Variants in LRRC8E observed in about 807,000 individuals in gnomAD.
LRRC8E encodes the protein leucine rich repeat containing 8 VRAC subunit E.
In LRRC8E, 6 loss-of-function variants were observed where a neutral mutation model predicts 6.1. The ratio of observed to expected loss-of-function variants is 0.98; its 90% CI spans 0.54 to 1.93. LRRC8E has a LOEUF of 1.93. LRRC8E is among the 30% of genes most tolerant of loss of function. LRRC8E has a pLI of 0.01. For missense variants in LRRC8E, 1,028 were observed against 1,031.4 expected (o/e 1.00, Z 0.04); for synonymous variants, 485 against 472.8 (o/e 1.03, Z -0.33).
At chr19:7,890,427 G>GT (rs1176276024) in intron 1 of LRRC8E, among the ~76,000 whole-genome samples, 1 of 152,090 alleles carries the variant, frequency 6.6e-6, no homozygotes, top group Non-Finnish European at 1.5e-5. Context: ...GTCTTGCTCT[G>GT]TTGCCCAGGC....
rs1299241067 is a variant in LRRC8E at position 7,899,878 on chromosome 19, C to T, written c.1356C>T (p.Phe452=). 1 of 1,606,148 alleles carries T rather than the reference C, an allele frequency of 6.2e-7. No individual in the cohort carries two copies. The highest frequency in any genetic ancestry group is 8.5e-7 in the Non-Finnish European group (1 of 1,179,576). The part of the protein sequence containing the change: ...LRLEAICDIT[F]PPGLSQLVHL... ...TGGAGGCCATCTGCGATATCACCTTCCCCCCGGGGCTGTCACAGCTGGTGC... is the reference window on the plus strand; with the variant it reads ...TGGAGGCCATCTGCGATATCACCTTTCCCCCGGGGCTGTCACAGCTGGTGC... Residue 452 remains phenylalanine (F), a synonymous_variant, in exon 3 of 3, where the codon TTC becomes TTT. Coordinates refer to ENST00000306708, the MANE Select transcript of LRRC8E (RefSeq NM_025061.6).
chr19:7,891,531 GTGTGTGTGTGTGTGTT>G (rs952034637), intron 1 of LRRC8E, among the ~76,000 whole-genome samples: 263 of 128,888 alleles, frequency 2.0e-3, no homozygotes, highest in Middle Eastern at 7.5e-3. Flanking sequence ...TCGGGTGTGT[GTGTGTGTGTGTGTGTT>G]TGTGTGTGTG....
chr19:7,899,051 C>A lies in LRRC8E; in HGVS notation c.529C>A (p.Pro177Thr), dbSNP rs1311246907. Residue 177 changes from proline to threonine, a missense_variant, in exon 3 of 3, where the codon CCA becomes ACA. Transcript: ENST00000306708. ...GGTCTCCGGGGAGAACCAGAAGGGC[C>A]CAGCAGCCACCGAACGGGCTGCGGC... ...SEVSGENQKG[P>T]AATERAAATI... 3 of 1,613,076 alleles carry A rather than the reference C, an allele frequency of 1.9e-6. No homozygotes were observed. The highest frequency in any genetic ancestry group is 2.5e-6 in the Non-Finnish European group (3 of 1,179,662).
chr19:7,896,146 G>A (rs1453112098), intron 2 of LRRC8E, among the ~76,000 whole-genome samples: 1 of 151,974 alleles, frequency 6.6e-6, no homozygotes, highest in East Asian at 1.9e-4. Context: ...CACCATGTTA[G>A]CCAGGCTGGT....
Position 7,899,032 on chromosome 19 carries a change from C to G in LRRC8E, c.510C>G (p.Ser170=). Residue 170 remains serine (S), a synonymous_variant, in exon 3 of 3, where the codon TCC becomes TCG. Coordinates refer to ENST00000306708, the MANE Select transcript of LRRC8E (RefSeq NM_025061.6). ...PWTTRALSEV[S]GENQKGPAAT... ...CCACCAGGGCCCTATCCGAGGTCTC[C>G]GGGGAGAACCAGAAGGGCCCAGCAG... 1 of 1,613,706 alleles carries G rather than the reference C, an allele frequency of 6.2e-7. No individual in the cohort carries two copies. The highest frequency in any genetic ancestry group is 8.5e-7 in the Non-Finnish European group (1 of 1,179,964).
intron 1 of LRRC8E, among the ~76,000 whole-genome samples, chr19:7,891,547 T>TGTGTGTTTGTG (rs1568262044): frequency 1.1e-5 from 1 of 91,586 alleles, no homozygotes; most frequent in Admixed American, 9.5e-5. Context: ...GTGTGTGTGT[T>TGTGTGTTTGTG]TGTGTGTGTG....
chr19:7,888,857 G>A (rs2145090105), intron 1 of LRRC8E, among the ~76,000 whole-genome samples: 1 of 152,312 alleles, frequency 6.6e-6, no homozygotes, highest in African/African-American at 2.4e-5. Flanking sequence ...ACAGGCTGAA[G>A]ATAAACTTGA....
Position 7,900,109 on chromosome 19 carries a change from G to A in LRRC8E, c.1587G>A (p.Glu529=). The A allele has an allele frequency of 8.1e-6, 13 of 1,612,722 alleles. No individual in the cohort carries two copies. Among genetic ancestry groups the A allele is most frequent in the Non-Finnish European group, 1.1e-5 (13 of 1,180,000 alleles). ...PQELARAATL[E]SLRELKQLKV... is the part of the protein sequence containing the mutation. Reference sequence around the variant, plus strand: ...AGCTAGCTCGGGCAGCCACCCTGGAGAGCCTCCGGGAGCTGAAGCAGCTCA... The same window carrying A: ...AGCTAGCTCGGGCAGCCACCCTGGAAAGCCTCCGGGAGCTGAAGCAGCTCA... The change falls in exon 3 of 3, where the codon GAG becomes GAA. Residue 529 remains glutamate (E), a synonymous_variant. Transcript: ENST00000306708. The surrounding 1 kb of genome is among the most constrained non-coding windows in gnomAD (Gnocchi z 5.0).
At chr19:7,890,588 G>C (rs1196427415) in intron 1 of LRRC8E, among the ~76,000 whole-genome samples, 1 of 152,142 alleles carries the variant, frequency 6.6e-6, no homozygotes, top group African/African-American at 2.4e-5. Context: ...AGGAGATTGA[G>C]ACCATCCTGG....
chr19:7,896,581 AT>A lies in LRRC8E; in HGVS notation c.138+841del, dbSNP rs199885461. Among the ~76,000 whole-genome samples, 67 of 151,822 alleles carry A rather than the reference AT, an allele frequency of 4.4e-4. No individual in the cohort carries two copies. In the East Asian group the frequency reaches 9.1e-3, roughly 21 times the overall value. Reference sequence around the variant, plus strand: ...AGAACGAGACTCCATCTTAAAAAAAATAAAATAAAATAATTGAAAATTAAAA... The same window carrying A: ...AGAACGAGACTCCATCTTAAAAAAAAAAAATAAAATAATTGAAAATTAAAA... On this transcript the variant is annotated intron_variant, in intron 2 of 2. Coordinates refer to ENST00000306708, the MANE Select transcript of LRRC8E (RefSeq NM_025061.6).
Position 7,895,716 on chromosome 19 carries a change from T to C in LRRC8E, c.113T>C (p.Ile38Thr), listed in dbSNP as rs142518518. The C allele has an allele frequency of 3.8e-5, 61 of 1,613,890 alleles. 2 individuals carry two copies. Among genetic ancestry groups the C allele is most frequent in the Middle Eastern group, 3.3e-4 (2 of 6,080 alleles). ...TACCTCACCGTGGCCATGCTCATGA[T>C]TGGGGTCTTTGGCTGCACCCTCCAG... ...AEYLTVAMLM[I>T]GVFGCTLQVT... The change falls in exon 2 of 3, where the codon ATT (isoleucine) becomes ACT (threonine). Residue 38 changes from isoleucine to threonine, a missense_variant. By Grantham distance (89) the Ile-to-Thr change is moderately conservative (BLOSUM62 -1). Coordinates refer to ENST00000306708, the MANE Select transcript of LRRC8E (RefSeq NM_025061.6). The surrounding 1 kb of genome is among the most constrained non-coding windows in gnomAD (Gnocchi z 4.7).
Position 7,900,436 on chromosome 19 carries a change from G to C in LRRC8E, c.1914G>C (p.Trp638Cys). The C allele has an allele frequency of 1.9e-6, 3 of 1,612,932 alleles. No individual in the cohort carries two copies. The highest frequency in any genetic ancestry group is 2.5e-6 in the Non-Finnish European group (3 of 1,179,948). Residue 638 changes from tryptophan (W) to cysteine (C), a missense_variant, in exon 3 of 3, where the codon TGG becomes TGC. Coordinates refer to ENST00000306708, the MANE Select transcript of LRRC8E (RefSeq NM_025061.6). The surrounding 1 kb of genome is among the most constrained non-coding windows in gnomAD (Gnocchi z 5.0). ...HCRKLVTLRL[W>C]HNQIAYVPEH... ...GGAAGCTGGTCACGCTCAGGCTGTGGCACAACCAGATCGCCTACGTCCCTG... is the reference window on the plus strand; with the variant it reads ...GGAAGCTGGTCACGCTCAGGCTGTGCCACAACCAGATCGCCTACGTCCCTG...
At chr19:7,894,176 G>A (rs1981457747) in intron 1 of LRRC8E, among the ~76,000 whole-genome samples, 1 of 152,142 alleles carries the variant, frequency 6.6e-6, no homozygotes, top group African/African-American at 2.4e-5. Context: ...CTGATGGGCA[G>A]ATGCCCTCCT....
rs1448521785 is a variant in LRRC8E at position 7,900,877 on chromosome 19, G to C, written c.2355G>C (p.Leu785=). Residue 785 remains leucine (L), a synonymous_variant, in exon 3 of 3, where the codon CTG becomes CTC. Coordinates refer to ENST00000306708, the MANE Select transcript of LRRC8E (RefSeq NM_025061.6). The surrounding 1 kb of genome is among the most constrained non-coding windows in gnomAD (Gnocchi z 5.0). ...LLVEDTLYQG[L]PAEVRDKMEE... ...TGGAAGACACGCTTTACCAGGGTCT[G>C]CCGGCAGAAGTGCGGGACAAGATGG... 1.3e-6 allele frequency: 2 copies of C among 1,532,978 alleles called. No individual in the cohort carries two copies. The highest frequency in any genetic ancestry group is 2.8e-5 in the African/African-American group (2 of 72,138). The allele number at this position is 1,532,978 out of a possible 1,614,324, so 95.0% of individuals were successfully genotyped here. A position where few individuals can be genotyped will look rare whatever the true frequency, so the allele number is the denominator to read the frequency against.
rs537271919 is a variant in LRRC8E, at chr19:7,889,465, A to G, written c.-6+865A>G. Among the ~76,000 whole-genome samples the G allele has an allele frequency of 1.0e-3, 153 of 146,574 alleles. No individual in the cohort carries two copies. The Middle Eastern group carries it at 0.012, about 12-fold the overall frequency. On this transcript the variant is annotated intron_variant, in intron 1 of 2. Coordinates refer to ENST00000306708, the MANE Select transcript of LRRC8E (RefSeq NM_025061.6). ...TCAAAAAAAAAAAAAGATTGAGGCCAGGCACAGTGGCTCACACCTGTAATC... is the reference window on the plus strand; with the variant it reads ...TCAAAAAAAAAAAAAGATTGAGGCCGGGCACAGTGGCTCACACCTGTAATC...
rs969009581 is a variant in LRRC8E at position 7,898,699 on chromosome 19, G to A, written c.177G>A (p.Glu59=). The change falls in exon 3 of 3, where the codon GAG becomes GAA. Residue 59 remains glutamate, a synonymous_variant. Coordinates refer to ENST00000306708, the MANE Select transcript of LRRC8E (RefSeq NM_025061.6). ...AGATCATCTGTCTACCCAATCATGA[G>A]CTCCAGGAGAACTTATCAGAGGCCC... ...QDKIICLPNH[E]LQENLSEAPC... is the part of the protein sequence containing the mutation. 2.5e-6 allele frequency: 4 copies of A among 1,612,746 alleles called. No homozygotes were observed. Among genetic ancestry groups the A allele is most frequent in the Non-Finnish European group, 8.5e-7 (1 of 1,179,212 alleles).
intron 1 of LRRC8E, among the ~76,000 whole-genome samples, chr19:7,890,595 C>G (rs1981251247): frequency 6.6e-6 from 1 of 152,038 alleles, no homozygotes; most frequent in Non-Finnish European, 1.5e-5. Flanking sequence ...TGAGACCATC[C>G]TGGCTAATAC....
intron 2 of LRRC8E, among the ~76,000 whole-genome samples, chr19:7,897,808 A>G (rs897090407): frequency 6.6e-6 from 1 of 152,066 alleles, no homozygotes; most frequent in African/African-American, 2.4e-5. Flanking sequence ...ATTACCAAAC[A>G]GGAGCCGCCT....
Position 7,895,500 on chromosome 19 carries a change from T to C in LRRC8E, c.-5-99T>C. 1.4e-6 allele frequency: 2 copies of C among 1,460,910 alleles called. No homozygotes were observed. The highest frequency in any genetic ancestry group is 1.9e-6 in the Non-Finnish European group (2 of 1,061,342). 90.5% of individuals were successfully genotyped at this position (1,460,910 alleles called of 1,614,324 possible). On this transcript the variant is annotated intron_variant, in intron 1 of 2. Coordinates refer to ENST00000306708, the MANE Select transcript of LRRC8E (RefSeq NM_025061.6). The surrounding 1 kb of genome is among the most constrained non-coding windows in gnomAD (Gnocchi z 4.7). ...TTTGGACAAGTTTGGGCAGGGAGGG[T>C]CACAGGCCTGCCTGTGTCCGGCTCC...
Sources: allele counts gnomAD v4.1 joint callset (sites outside exome capture counted in the v4.1 genomes callset), GRCh38; gene constraint gnomAD v4.1.1; non-coding constraint Gnocchi (gnomAD v3.1); transcripts MANE v1.5; gene names NCBI Gene and HGNC (gene_info 2026-07-23, HGNC 2026-07-21).